The following SYNDIG1 variants were observed in gnomAD, a reference collection of about 807,000 sequenced individuals.
The protein encoded by SYNDIG1 is synapse differentiation-inducing gene protein 1.
A neutral mutation model predicts 19.4 loss-of-function variants in SYNDIG1; 9 were observed. The ratio of observed to expected loss-of-function variants is 0.46; its 90% CI spans 0.28 to 0.81. The LOEUF is 0.81. Ranked by LOEUF, SYNDIG1 falls within the 30% of genes least tolerant of loss-of-function variation. The pLI is 0.12. For missense variants in SYNDIG1, 311 were observed against 343.3 expected, an observed-to-expected ratio of 0.91 and a Z score of 0.74; for synonymous variants, 141 against 145.9, an observed-to-expected ratio of 0.97 and a Z score of 0.24.
At chr20:24,519,702 CTTTT>C (rs2056962508) in intron 1 of SYNDIG1, among the ~76,000 whole-genome samples, 1 of 152,138 alleles carries the variant, frequency 6.6e-6, no homozygotes, top group Non-Finnish European at 1.5e-5. Flanking sequence ...CTCCTTTGAT[CTTTT>C]GGTAAAGTTG....
At chr20:24,473,461 G>A (rs1006482599) in intron 1 of SYNDIG1, among the ~76,000 whole-genome samples, 5 of 152,196 alleles carry the variant, frequency 3.3e-5, no homozygotes, top group Admixed American at 1.3e-4. Context: ...AGCATTCTCT[G>A]TGCAAGATGC....
At chr20:24,579,762 A>G (rs1435606946) in intron 2 of SYNDIG1, among the ~76,000 whole-genome samples, 2 of 152,190 alleles carry the variant, frequency 1.3e-5, no homozygotes, top group Non-Finnish European at 2.9e-5. Context: ...ATGGTGCGTG[A>G]GATGCTCACC....
rs981068141 is a variant in SYNDIG1, at chr20:24,576,777, C to T, written c.481-8079C>T. Reference sequence around the variant, plus strand: ...CTGACGCCTCCATGGCCCCCTGTCTCCTCCTCCCCATCCCATCTCTCAGCA... The same window carrying T: ...CTGACGCCTCCATGGCCCCCTGTCTTCTCCTCCCCATCCCATCTCTCAGCA... On this transcript the variant is annotated intron_variant, in intron 2 of 3. Transcript: ENST00000376862. Among the ~76,000 whole-genome samples the T allele has an allele frequency of 3.3e-5, 5 of 152,082 alleles. 1 individual carries two copies. Among genetic ancestry groups the T allele is most frequent in the Non-Finnish European group, 7.4e-5 (5 of 68,018 alleles).
At chr20:24,526,576 G>GAGATAT (rs1328566517) in intron 1 of SYNDIG1, among the ~76,000 whole-genome samples, 1 of 152,000 alleles carries the variant, frequency 6.6e-6, no homozygotes, top group African/African-American at 2.4e-5. Flanking sequence ...TATAGAGAGA[G>GAGATAT]AGATATAGAT....
intron 3 of SYNDIG1, among the ~76,000 whole-genome samples, chr20:24,647,739 G>T (rs1031057862): frequency 6.6e-6 from 1 of 150,914 alleles, no homozygotes; most frequent in African/African-American, 2.4e-5. Context: ...AAAAAGCTCA[G>T]GAAATGGGTG....
At chr20:24,498,165 C>T (rs544159594) in intron 1 of SYNDIG1, among the ~76,000 whole-genome samples, 5 of 152,210 alleles carry the variant, frequency 3.3e-5, no homozygotes, top group Non-Finnish European at 5.9e-5. Flanking sequence ...GCGTGTTTAA[C>T]GTATGCAACT....
intron 3 of SYNDIG1, among the ~76,000 whole-genome samples, chr20:24,593,459 G>C (rs1237983061): frequency 7.6e-6 from 1 of 132,108 alleles, no homozygotes; most frequent in Admixed American, 8.1e-5. Flanking sequence ...TAGGCATTTA[G>C]TTGGTTCCAT....
At chr20:24,570,178 C>T (rs889631266) in intron 2 of SYNDIG1, among the ~76,000 whole-genome samples, 3 of 152,236 alleles carry the variant, frequency 2.0e-5, no homozygotes, top group Admixed American at 6.5e-5. Context: ...CACATTTAAA[C>T]GTAAAGTGCT....
At chr20:24,508,855 G>C (rs1335594465) in intron 1 of SYNDIG1, among the ~76,000 whole-genome samples, 1 of 152,180 alleles carries the variant, frequency 6.6e-6, no homozygotes, top group Non-Finnish European at 1.5e-5. Context: ...GGAATAAATA[G>C]AGGTGGAAGC....
chr20:24,583,666 G>A (rs1221240388), intron 2 of SYNDIG1, among the ~76,000 whole-genome samples: 1 of 152,202 alleles, frequency 6.6e-6, no homozygotes, highest in African/African-American at 2.4e-5. Context: ...GCAGGGCCCA[G>A]CCATTCAGCC....
chr20:24,549,186 G>T (rs1343182746), intron 2 of SYNDIG1, among the ~76,000 whole-genome samples: 1 of 152,054 alleles, frequency 6.6e-6, no homozygotes, highest in African/African-American at 2.4e-5. Context: ...CTGTAATTTT[G>T]TATGTTTTAA....
chr20:24,547,249 A>G (rs1244135747), intron 2 of SYNDIG1, among the ~76,000 whole-genome samples: 1 of 152,216 alleles, frequency 6.6e-6, no homozygotes, highest in Non-Finnish European at 1.5e-5. Flanking sequence ...CACTTTCCCA[A>G]GACAGGTGCA....
intron 1 of SYNDIG1, among the ~76,000 whole-genome samples, chr20:24,501,896 G>A (rs907615966): frequency 5.9e-5 from 9 of 152,220 alleles, no homozygotes; most frequent in Non-Finnish European, 1.3e-4. Context: ...GCTTCTGGCT[G>A]ACACCTGTGG....
At chr20:24,632,709 G>T (rs1467947538) in intron 3 of SYNDIG1, among the ~76,000 whole-genome samples, 7 of 152,216 alleles carry the variant, frequency 4.6e-5, no homozygotes, top group Non-Finnish European at 1.0e-4. Flanking sequence ...TCGTGAGCGG[G>T]GAAACAGCAG....
intron 3 of SYNDIG1, among the ~76,000 whole-genome samples, chr20:24,589,623 A>T (rs1280869009): frequency 1.3e-5 from 2 of 152,242 alleles, no homozygotes; most frequent in Non-Finnish European, 1.5e-5. Context: ...TGCGCCGGGC[A>T]GGCCCGAGGG....
At chr20:24,649,769 C>A (rs1203296739) in intron 3 of SYNDIG1, among the ~76,000 whole-genome samples, 1 of 152,178 alleles carries the variant, frequency 6.6e-6, no homozygotes, top group Non-Finnish European at 1.5e-5. Flanking sequence ...GGTTTCTGTG[C>A]CTTCTCAGTG....
intron 2 of SYNDIG1, among the ~76,000 whole-genome samples, chr20:24,557,679 G>A (rs1238970721): frequency 6.6e-6 from 1 of 152,146 alleles, no homozygotes; most frequent in Non-Finnish European, 1.5e-5. Flanking sequence ...TTGTCTCAGA[G>A]GAGTACCCGG....
In SYNDIG1 at chr20:24,560,584, G is replaced by A. The variant is rs570531840; in HGVS notation, c.480+17007G>A. 9.3e-5 allele frequency among the ~76,000 whole-genome samples: 14 copies of A among 150,602 alleles called. No homozygotes were observed. The East Asian group carries it at 1.2e-3, about 13-fold the overall frequency. On this transcript the variant is annotated intron_variant, in intron 2 of 3. Coordinates refer to ENST00000376862, the MANE Select transcript of SYNDIG1 (RefSeq NM_024893.3). ...ATGTTTTCCTTTTATTATTAAATAC[G>A]GTTTTCTTTAGTCTGTGAACATATT...
chr20:24,485,398 C>T (rs113278367), intron 1 of SYNDIG1, among the ~76,000 whole-genome samples: 2 of 152,100 alleles, frequency 1.3e-5, no homozygotes, highest in East Asian at 1.9e-4. Context: ...TTTGTCATTA[C>T]GTAAGGAAAT....
Sources: allele counts gnomAD v4.1 joint callset (sites outside exome capture counted in the v4.1 genomes callset), GRCh38; gene constraint gnomAD v4.1.1; transcripts MANE v1.5; gene names NCBI Gene and HGNC (gene_info 2026-07-23, HGNC 2026-07-21).